KANSL3: variants seen among roughly 807,000 people sequenced by gnomAD.
The protein encoded by KANSL3 is KAT8 regulatory NSL complex subunit 3, also known as NSL complex protein NSL3.
KANSL3 carries 16 observed loss-of-function variants against 89.2 expected under a neutral mutation model. That is an observed-to-expected ratio of 0.18 (90% CI 0.12 to 0.27). The LOEUF is 0.27. Among genes scored for constraint, KANSL3 ranks in the 10% least tolerant of loss-of-function variants. The probability of loss-of-function intolerance (pLI) is 1.00; values close to 1 mark genes in which losing one functional copy is unlikely to be tolerated. For synonymous variants in KANSL3, 385 were observed against 419.7 expected (o/e 0.92, Z 1.01); for missense variants, 879 against 1,110.6 (o/e 0.79, Z 2.96).
intron 2 of KANSL3, chr2:96,636,594 A>C: frequency 4.2e-6 from 1 of 239,132 alleles, no homozygotes; most frequent in Non-Finnish European, 8.1e-6. Flanking sequence ...TCCTGTGGGT[A>C]ATCTTTTAAA....
chr2:96,591,887 T>G (rs1178961998), downstream of KANSL3, among the ~76,000 whole-genome samples: 1 of 152,214 alleles, frequency 6.6e-6, no homozygotes, highest in Non-Finnish European at 1.5e-5. Flanking sequence ...TCCTTGTCTA[T>G]AAAAATGCCT....
the KANSL3 span, among the ~76,000 whole-genome samples, chr2:96,584,352 T>C: frequency 1.1e-4 from 17 of 152,308 alleles, no homozygotes; most frequent in Admixed American, 5.9e-4. Flanking sequence ...TAATTGTATG[T>C]ATTTATGGGG....
intron 5 of KANSL3, among the ~76,000 whole-genome samples, chr2:96,616,746 C>T (rs180716852): frequency 1.3e-5 from 2 of 152,288 alleles, no homozygotes; most frequent in East Asian, 3.9e-4. Flanking sequence ...GGTGTACCAG[C>T]GAGCCTTCCA....
At chr2:96,608,196 T>C (rs1218581429) in intron 14 of KANSL3, among the ~76,000 whole-genome samples, 2 of 152,150 alleles carry the variant, frequency 1.3e-5, no homozygotes, top group Non-Finnish European at 2.9e-5. Flanking sequence ...ATACATATGA[T>C]TGGAGAGCCC....
chr2:96,636,168 A>G (rs2074218866), intron 2 of KANSL3, among the ~76,000 whole-genome samples: 1 of 152,234 alleles, frequency 6.6e-6, no homozygotes, highest in Non-Finnish European at 1.5e-5. Context: ...AAAAACAAAC[A>G]GACAAAACTC....
At chr2:96,638,101 G>T (rs1213389490) in intron 1 of KANSL3, 182 bp downstream of exon 1, 1 of 151,860 alleles carries the variant, frequency 6.6e-6, no homozygotes, top group African/African-American at 2.4e-5. Context: ...GCCCAGACGC[G>T]GCCCCTGCCA....
At chr2:96,619,298 C>G in intron 5 of KANSL3, 61 bp downstream of exon 5, 6 of 1,494,252 alleles carry the variant, frequency 4.0e-6, no homozygotes, top group African/African-American at 1.4e-5. Flanking sequence ...ACCCCACATC[C>G]TGAACCCACA....
chr2:96,609,095 T>C (rs1156313627), intron 12 of KANSL3, 31 bp from the exon 13 acceptor site: 26 of 1,532,058 alleles, frequency 1.7e-5, no homozygotes, highest in Non-Finnish European at 2.0e-5. Context: ...CCAAGGCCTT[T>C]TAGTCCTCAT....
rs1366546383 is a variant in KANSL3 at position 96,593,643 on chromosome 2, A to C, written c.*1968T>G. The C allele has an allele frequency of 9.1e-6, 2 of 220,878 alleles. No individual in the cohort carries two copies. Among genetic ancestry groups the C allele is most frequent in the Non-Finnish European group, 1.9e-5 (2 of 107,618 alleles). The allele number at this position is 220,878 out of a possible 1,614,324, so 13.7% of individuals were successfully genotyped here. ...TCAGGAAGTCATCCCTTGTAAGCAC[A>C]CTAGAATTTATCATAAAGGCAGGTC... On this transcript the variant is annotated 3_prime_UTR_variant, in exon 21 of 21. Transcript: ENST00000431828.
At chr2:96,605,279 A>G (rs987655894) in intron 15 of KANSL3, 41 bp downstream of exon 15, 5 of 1,550,786 alleles carry the variant, frequency 3.2e-6, no homozygotes, top group Non-Finnish European at 4.4e-6. Context: ...TGTGTACCTG[A>G]GAGAGCTCAG....
rs754471571 is a variant in KANSL3, at chr2:96,610,774, C to T, written c.1271G>A (p.Arg424Gln). Residue 424 changes from arginine to glutamine, a missense_variant, in exon 11 of 21, where the codon CGA becomes CAA. Coordinates refer to ENST00000431828, the MANE Select transcript of KANSL3 (RefSeq NM_001115016.3). ...EAMEDFREKI[R>Q]AENSLVVVGG... ...AACCACCACCAAGCTGTTCTCAGCT[C>T]GAATCTTCTCCCGGAAGTCCTCCAT... is the stretch of plus-strand genomic sequence containing the variant. The T allele has an allele frequency of 5.0e-6, 8 of 1,613,990 alleles. No homozygotes were observed. The highest frequency in any genetic ancestry group is 2.7e-5 in the African/African-American group (2 of 75,046).
intron 11 of KANSL3, 107 bp downstream of exon 11, chr2:96,610,619 C>T (rs2068761376): frequency 1.5e-6 from 2 of 1,339,550 alleles, no homozygotes; most frequent in Non-Finnish European, 1.0e-6. Flanking sequence ...CCGGCTAATG[C>T]TGTCTTTTAA....
intron 20 of KANSL3, chr2:96,598,189 G>A: frequency 1.1e-6 from 1 of 950,300 alleles, no homozygotes; most frequent in Non-Finnish European, 1.3e-6. Flanking sequence ...GGCTTTGTAG[G>A]TCACTTCTAT....
At chr2:96,604,932 CT>C (rs2067755088) in intron 15 of KANSL3, 69 bp from the exon 16 acceptor site, 22 of 1,309,172 alleles carry the variant, frequency 1.7e-5, no homozygotes, top group Non-Finnish European at 2.3e-5. Flanking sequence ...GGTTCCACAG[CT>C]TAGGCTAAAT....
At chr2:96,636,214 T>C (rs57185955) in intron 2 of KANSL3, among the ~76,000 whole-genome samples, 1 of 152,196 alleles carries the variant, frequency 6.6e-6, no homozygotes, top group Non-Finnish European at 1.5e-5. Context: ...AAGGACATGA[T>C]TTGATCACCA....
chr2:96,618,987 C>T (rs2105793841), intron 5 of KANSL3, among the ~76,000 whole-genome samples: 1 of 152,356 alleles, frequency 6.6e-6, no homozygotes, highest in Middle Eastern at 3.4e-3. Context: ...TGCAATCTCC[C>T]AGTGCTCCGA....
chr2:96,595,447 T>TTAA lies in KANSL3; in HGVS notation c.*163_*164insTTA. 1.6e-6 allele frequency: 1 copy of TTAA among 632,174 alleles called. No individual in the cohort carries two copies. The highest frequency in any genetic ancestry group is 2.2e-5 in the South Asian group (1 of 46,384). The allele number at this position is 632,174 out of a possible 1,614,324, so 39.2% of individuals were successfully genotyped here. ...CTTCCCTTGCTGGCACCGTATCACC[T>TTAA]AACCTAATGGTTTCTCTGAAGACAG... On this transcript the variant is annotated 3_prime_UTR_variant, in exon 21 of 21. Coordinates refer to ENST00000431828, the MANE Select transcript of KANSL3 (RefSeq NM_001115016.3).
chr2:96,636,333 T>C (rs2074242049), intron 2 of KANSL3, among the ~76,000 whole-genome samples: 3 of 152,190 alleles, frequency 2.0e-5, no homozygotes, highest in East Asian at 1.9e-4. Flanking sequence ...ACTCATCAGG[T>C]AGTCAATTTA....
At chr2:96,632,217 T>C (rs1191312317) in intron 2 of KANSL3, among the ~76,000 whole-genome samples, 2 of 152,100 alleles carry the variant, frequency 1.3e-5, no homozygotes, top group Non-Finnish European at 2.9e-5. Context: ...ATACTTGTAA[T>C]CCCAGTACTT....
Sources: allele counts gnomAD v4.1 joint callset (sites outside exome capture counted in the v4.1 genomes callset), GRCh38; gene constraint gnomAD v4.1.1; transcripts MANE v1.5; gene names NCBI Gene and HGNC (gene_info 2026-07-23, HGNC 2026-07-21).